The following PTPRD variants were observed in gnomAD, a reference collection of about 807,000 sequenced individuals.
PTPRD encodes the protein protein tyrosine phosphatase receptor type D.
A neutral mutation model predicts 214.5 loss-of-function variants in PTPRD; 34 were observed. The ratio of observed to expected loss-of-function variants is 0.16; its 90% CI spans 0.12 to 0.21. The LOEUF (loss-of-function observed/expected upper bound fraction) is 0.21. Among genes scored for constraint, PTPRD ranks in the 10% least tolerant of loss-of-function variants. The pLI is 1.00. For missense variants in PTPRD, 2,545 were observed against 2,398.7 expected (o/e 1.06, Z -1.27); for synonymous variants, 1,128 against 845.7 (o/e 1.33, Z -5.79).
chr9:9,014,233 T>C (rs2099524874), intron 11 of PTPRD, among the ~76,000 whole-genome samples: 1 of 150,980 alleles, frequency 6.6e-6, no homozygotes. Flanking sequence ...TTTATTTGAG[T>C]TTCATGAGCA....
chr9:9,923,123 GGT>G (rs35299908), intron 5 of PTPRD, among the ~76,000 whole-genome samples: 107 of 144,828 alleles, frequency 7.4e-4, no homozygotes, highest in South Asian at 1.3e-3. Context: ...GTGTGTGGGG[GGT>G]GTGTGTGTGT....
At chr9:8,735,171 T>A (rs1283622373) in intron 11 of PTPRD, among the ~76,000 whole-genome samples, 3 of 143,196 alleles carry the variant, frequency 2.1e-5, no homozygotes, top group East Asian at 4.1e-4. Flanking sequence ...TTTGAGACAG[T>A]CTCACTCTGT....
intron 9 of PTPRD, among the ~76,000 whole-genome samples, chr9:9,267,127 A>T (rs912314583): frequency 1.3e-5 from 2 of 151,326 alleles, no homozygotes; most frequent in African/African-American, 4.8e-5. Context: ...CATTATATGT[A>T]TTGAAACATC....
intron 8 of PTPRD, among the ~76,000 whole-genome samples, chr9:9,567,744 G>T (rs1452372565): frequency 6.6e-6 from 1 of 151,784 alleles, no homozygotes; most frequent in Non-Finnish European, 1.5e-5. Flanking sequence ...ATGCAGCCTT[G>T]AGCTTCCATG....
At chr9:8,845,708 T>A in intron 11 of PTPRD, among the ~76,000 whole-genome samples, 1 of 152,226 alleles carries the variant, frequency 6.6e-6, no homozygotes, top group East Asian at 1.9e-4. Flanking sequence ...AAGAGGCCCA[T>A]GTGTGAGACA....
Position 9,997,410 on chromosome 9 carries a change from C to A in PTPRD, c.-472+36308G>T, listed in dbSNP as rs536825515. Among the ~76,000 whole-genome samples the A allele has an allele frequency of 2.6e-5, 4 of 151,970 alleles. No homozygotes were observed. In the South Asian group the frequency reaches 8.3e-4, roughly 32 times the overall value. The stretch of plus-strand genomic sequence containing the variant: ...AAGCGATTCTCCTGCCTCAACCTCC[C>A]GAGTAGCTGGGATTACAGACAGGCA... On this transcript the variant is annotated intron_variant, in intron 4 of 45. Transcript: ENST00000381196.
At chr9:9,516,274 A>G (rs1286100879) in intron 8 of PTPRD, among the ~76,000 whole-genome samples, 2 of 144,522 alleles carry the variant, frequency 1.4e-5, no homozygotes, top group Non-Finnish European at 3.1e-5. Flanking sequence ...ACTTAAGCTA[A>G]AAGAACATAT....
chr9:10,247,507 T>C (rs1351598589), intron 3 of PTPRD, among the ~76,000 whole-genome samples: 4 of 152,208 alleles, frequency 2.6e-5, no homozygotes, highest in Admixed American at 6.5e-5. Flanking sequence ...CACATTACCA[T>C]ATTCTCTAAA....
At chr9:9,402,617 G>C (rs1385680107) in intron 8 of PTPRD, among the ~76,000 whole-genome samples, 1 of 151,950 alleles carries the variant, frequency 6.6e-6, no homozygotes, top group Non-Finnish European at 1.5e-5. Flanking sequence ...CAAGGATCAA[G>C]ATCAAGATTA....
chr9:8,585,568 ACT>A (rs1255312344), intron 14 of PTPRD, among the ~76,000 whole-genome samples: 1 of 152,198 alleles, frequency 6.6e-6, no homozygotes, highest in Non-Finnish European at 1.5e-5. Context: ...GAACATGACA[ACT>A]CTGTACCATA....
At chr9:8,859,807 G>C (rs921727999) in intron 11 of PTPRD, 2 of 150,156 alleles carry the variant, frequency 1.3e-5, no homozygotes, top group African/African-American at 4.9e-5. Context: ...AGCAATTTGG[G>C]GGTGGGGGAG....
intron 10 of PTPRD, among the ~76,000 whole-genome samples, chr9:9,101,649 A>T (rs2099791518): frequency 6.6e-6 from 1 of 152,190 alleles, no homozygotes; most frequent in East Asian, 1.9e-4. Flanking sequence ...AAACCATGTC[A>T]TTATCCACAG....
intron 11 of PTPRD, among the ~76,000 whole-genome samples, chr9:8,822,934 A>G (rs146975512): frequency 1.3e-5 from 2 of 152,330 alleles, no homozygotes; most frequent in East Asian, 3.9e-4. Context: ...GTGTTCACAC[A>G]GCCCACACTG....
chr9:8,765,838 T>C (rs2094695075), intron 11 of PTPRD, among the ~76,000 whole-genome samples: 1 of 152,202 alleles, frequency 6.6e-6, no homozygotes, highest in Non-Finnish European at 1.5e-5. Flanking sequence ...CCCAGCATTA[T>C]GACTTTTCAG....
chr9:8,785,208 G>C (rs796877159), intron 11 of PTPRD, among the ~76,000 whole-genome samples: 25 of 152,232 alleles, frequency 1.6e-4, no homozygotes, highest in African/African-American at 5.5e-4. Flanking sequence ...ATTTAAAAGA[G>C]ACTGAAACAA....
intron 2 of PTPRD, among the ~76,000 whole-genome samples, chr9:10,453,312 T>A (rs2098862668): frequency 6.6e-6 from 1 of 151,686 alleles, no homozygotes; most frequent in Non-Finnish European, 1.5e-5. Flanking sequence ...ATTTTGTGGT[T>A]CCATATAAAT....
chr9:10,544,482 T>A (rs754078439), intron 2 of PTPRD, among the ~76,000 whole-genome samples: 9 of 152,178 alleles, frequency 5.9e-5, no homozygotes, highest in Non-Finnish European at 1.0e-4. Context: ...ACATTTTAAA[T>A]GATAATGTGA....
At chr9:9,728,394 C>A (rs1371654918) in intron 7 of PTPRD, among the ~76,000 whole-genome samples, 1 of 152,086 alleles carries the variant, frequency 6.6e-6, no homozygotes, top group Non-Finnish European at 1.5e-5. Flanking sequence ...TAATTGTATA[C>A]AATTATTTTT....
At chr9:9,832,858 G>A (rs2055354162) in intron 5 of PTPRD, among the ~76,000 whole-genome samples, 1 of 150,466 alleles carries the variant, frequency 6.6e-6, no homozygotes, top group African/African-American at 2.4e-5. Context: ...GTTTTTGTAG[G>A]AATTCAATTA....
Sources: allele counts gnomAD v4.1 joint callset (sites outside exome capture counted in the v4.1 genomes callset), GRCh38; gene constraint gnomAD v4.1.1; transcripts MANE v1.5; gene names NCBI Gene and HGNC (gene_info 2026-07-23, HGNC 2026-07-21).